Variants in FOXP2 observed in about 807,000 individuals in gnomAD.
FOXP2 encodes forkhead box P2.
In FOXP2, 12 loss-of-function variants were observed where a neutral mutation model predicts 115.8. That is an observed-to-expected ratio of 0.10 (90% CI 0.07 to 0.17). The LOEUF is 0.17. Among genes scored for constraint, FOXP2 ranks in the 10% least tolerant of loss-of-function variants. FOXP2 has a pLI of 1.00. For missense variants in FOXP2, 629 were observed against 843.5 expected (o/e 0.75, Z 3.15); for synonymous variants, 328 against 297.7 (o/e 1.10, Z -1.05).
At position 114,658,136 on chromosome 7, in the gene FOXP2, C is replaced by T; in HGVS notation, c.1337C>T (p.Thr446Ile). 6.2e-7 allele frequency: 1 copy of T among 1,613,968 alleles called. No individual in the cohort carries two copies. The highest frequency in any genetic ancestry group is 8.5e-7 in the Non-Finnish European group (1 of 1,179,900). ...ACATCCCCACAGAGCTTACCTCAAA[C>T]CCCTACCACACCAACGGCCCCAGTC... Reference protein sequence around the residue: ...LETSPQSLPQTPTTPTAPVTP... With the variant: ...LETSPQSLPQIPTTPTAPVTP... The change falls in exon 11 of 17, where the codon ACC becomes ATC. Residue 446 changes from threonine to isoleucine, a missense_variant. Around this residue, in one of 9 missense-constraint regions of FOXP2, gnomAD observed 101 missense variants for 116.0 expected, o/e 0.87. Coordinates refer to ENST00000350908, the MANE Select transcript of FOXP2 (RefSeq NM_014491.4).
At chr7:114,303,994 T>C (rs1341447444) in intron 2 of FOXP2, among the ~76,000 whole-genome samples, 3 of 152,250 alleles carry the variant, frequency 2.0e-5, no homozygotes, top group East Asian at 3.9e-4. Context: ...TGGCAAATAC[T>C]TAACAGAAGG....
intron 2 of FOXP2, among the ~76,000 whole-genome samples, chr7:114,493,950 A>T (rs1584805608): frequency 6.6e-6 from 1 of 151,924 alleles, no homozygotes; most frequent in Non-Finnish European, 1.5e-5. Flanking sequence ...ATTTGTCTTT[A>T]ATTCACAGAA....
intron 1 of FOXP2, among the ~76,000 whole-genome samples, chr7:114,265,059 C>G (rs1795862629): frequency 6.6e-6 from 1 of 152,138 alleles, no homozygotes; most frequent in Non-Finnish European, 1.5e-5. Flanking sequence ...GCCCCGGCCC[C>G]TCCCAAATCT....
At chr7:114,667,243 G>A (rs1019563188) in intron 16 of FOXP2, 2 of 152,292 alleles carry the variant, frequency 1.3e-5, no homozygotes, top group Non-Finnish European at 2.9e-5. Context: ...GGACAACATA[G>A]TGAGACCCTG....
intron 2 of FOXP2, among the ~76,000 whole-genome samples, chr7:114,450,475 A>T (rs1035422927): frequency 3.3e-5 from 5 of 152,120 alleles, no homozygotes; most frequent in South Asian, 4.1e-4. Flanking sequence ...ATATGAGTAT[A>T]TAATTTCTTC....
chr7:114,351,065 A>G (rs1326058827), intron 2 of FOXP2, among the ~76,000 whole-genome samples: 1 of 152,194 alleles, frequency 6.6e-6, no homozygotes, highest in Non-Finnish European at 1.5e-5. Flanking sequence ...TGGTAAGCAC[A>G]GACACAACCA....
At chr7:114,469,781 G>A (rs1795968375) in intron 2 of FOXP2, among the ~76,000 whole-genome samples, 1 of 151,930 alleles carries the variant, frequency 6.6e-6, no homozygotes. Context: ...ATAATTTTTT[G>A]CAATATAAAA....
At chr7:114,601,019 A>C (rs1290955844) in intron 3 of FOXP2, among the ~76,000 whole-genome samples, 2 of 150,484 alleles carry the variant, frequency 1.3e-5, no homozygotes, top group African/African-American at 2.5e-5. Context: ...GCTGGAGTGC[A>C]GTGGCATGAT....
chr7:114,244,823 G>A (rs980138201), intron 1 of FOXP2, among the ~76,000 whole-genome samples: 4 of 151,764 alleles, frequency 2.6e-5, no homozygotes, highest in Non-Finnish European at 5.9e-5. Flanking sequence ...GTGCAGTGGC[G>A]CAATCTCGGC....
At chr7:114,654,772 A>AAT (rs1338389521) in intron 10 of FOXP2, among the ~76,000 whole-genome samples, 2 of 152,096 alleles carry the variant, frequency 1.3e-5, no homozygotes, top group Non-Finnish European at 2.9e-5. Flanking sequence ...GATACTTTTT[A>AAT]ATAAGGCCCC....
At chr7:114,456,953 C>T (rs988305658) in intron 2 of FOXP2, among the ~76,000 whole-genome samples, 1 of 151,790 alleles carries the variant, frequency 6.6e-6, no homozygotes, top group Non-Finnish European at 1.5e-5. Context: ...CTTGATCTCA[C>T]TTATATATGA....
intron 1 of FOXP2, among the ~76,000 whole-genome samples, chr7:114,144,624 TA>T (rs1219973483): frequency 6.6e-6 from 1 of 152,138 alleles, no homozygotes; most frequent in Non-Finnish European, 1.5e-5. Context: ...CTATAGAGTT[TA>T]AATTATGATA....
chr7:114,401,448 C>T (rs1261389637), intron 2 of FOXP2, among the ~76,000 whole-genome samples: 1 of 152,158 alleles, frequency 6.6e-6, no homozygotes. Context: ...CTTCACTCCC[C>T]TCATCACTAC....
intron 2 of FOXP2, among the ~76,000 whole-genome samples, chr7:114,389,959 G>A (rs1018270719): frequency 1.3e-5 from 2 of 148,648 alleles, no homozygotes; most frequent in Admixed American, 6.8e-5. Flanking sequence ...GGGAGGCGGA[G>A]GTTGCTGATA....
intron 8 of FOXP2, among the ~76,000 whole-genome samples, chr7:114,649,114 A>G (rs749936210): frequency 6.6e-6 from 1 of 152,090 alleles, no homozygotes; most frequent in Non-Finnish European, 1.5e-5. Context: ...TTGCATGGGT[A>G]ATTTACAGAC....
intron 1 of FOXP2, among the ~76,000 whole-genome samples, chr7:114,419,494 A>G (rs1254620617): frequency 6.6e-6 from 1 of 151,882 alleles, no homozygotes; most frequent in African/African-American, 2.4e-5. Flanking sequence ...CAGAGTATAA[A>G]TTACCCTACA....
intron 1 of FOXP2, among the ~76,000 whole-genome samples, chr7:114,424,321 G>A (rs1793743799): frequency 6.6e-6 from 1 of 151,364 alleles, no homozygotes; most frequent in East Asian, 1.9e-4. Flanking sequence ...GGAAAATATA[G>A]TGTTTTATTT....
rs532404743 is a variant in FOXP2 at position 114,208,598 on chromosome 7, G to C, written c.-102+45510G>C. Among the ~76,000 whole-genome samples the C allele has an allele frequency of 7.9e-5, 12 of 152,072 alleles. No individual in the cohort carries two copies. The East Asian group carries it at 1.9e-3, about 25-fold the overall frequency. On this transcript the variant is annotated intron_variant, in intron 1 of 17. Transcript: ENST00000634411. ...GAGTGGAATAACATGGTTTGGCTGT[G>C]TCCCCACTCAAATCTCATCTTGAAT...
At chr7:114,379,535 G>T (rs1052671999) in intron 2 of FOXP2, among the ~76,000 whole-genome samples, 1 of 152,066 alleles carries the variant, frequency 6.6e-6, no homozygotes, top group Non-Finnish European at 1.5e-5. Flanking sequence ...TTCTCGGGAG[G>T]GGTGCCTTCG....
Sources: gnomAD v4.1 joint callset for allele counts (sites outside exome capture counted in the v4.1 genomes callset) on GRCh38, gnomAD v4.1.1 for gene constraint, gnomAD v4.1.1 regional missense constraint, MANE v1.5 for transcripts, NCBI Gene and HGNC (gene_info 2026-07-23, HGNC 2026-07-21) for gene names.